Variants in HECW2 observed in about 807,000 individuals in gnomAD.
HECW2 encodes the protein HECT, C2 and WW domain containing E3 ubiquitin protein ligase 2.
HECW2 carries 61 observed loss-of-function variants against 175.2 expected under a neutral mutation model. The ratio of observed to expected loss-of-function variants is 0.35; its 90% CI spans 0.28 to 0.43. The LOEUF is 0.43. HECW2 is among the 20% of genes least tolerant of loss of function. HECW2 has a pLI of 1.00. For synonymous variants in HECW2, 671 were observed against 731.0 expected (o/e 0.92, Z 1.32); for missense variants, 1,524 against 2,000.5 (o/e 0.76, Z 4.54).
intron 1 of HECW2, among the ~76,000 whole-genome samples, chr2:196,436,167 G>A (rs1273882256): frequency 1.3e-5 from 2 of 152,156 alleles, no homozygotes; most frequent in Admixed American, 6.5e-5. Flanking sequence ...TTGGGAGGCC[G>A]ACGCAGGCGG....
chr2:196,531,982 A>G (rs1688853779), intron 1 of HECW2, among the ~76,000 whole-genome samples: 1 of 152,240 alleles, frequency 6.6e-6, no homozygotes, highest in Non-Finnish European at 1.5e-5. Flanking sequence ...AAGAGATCAC[A>G]TCACACTTGT....
intron 4 of HECW2, chr2:196,331,245 CAT>C (rs748678355): frequency 5.1e-6 from 5 of 984,988 alleles, no homozygotes; most frequent in Non-Finnish European, 6.0e-6. Flanking sequence ...TCTCAACAAA[CAT>C]GTGTGGTTTA....
chr2:196,258,530 T>C lies in HECW2; in HGVS notation c.3336-624A>G, dbSNP rs149512734. ...ACCTGTGCAAATGTATATATACATA[T>C]ACATATCAAACACAAGGTGAGTTAT... is the stretch of plus-strand genomic sequence containing the variant. On this transcript the variant is annotated intron_variant, in intron 17 of 28. Transcript: ENST00000644978. Among the ~76,000 whole-genome samples the C allele has an allele frequency of 9.1e-3, 1,386 of 152,350 alleles. 7 individuals are homozygous for C. Among genetic ancestry groups the C allele is most frequent in the Non-Finnish European group, 0.013 (907 of 68,030 alleles).
At chr2:196,570,540 C>T (rs1184012274) in intron 1 of HECW2, among the ~76,000 whole-genome samples, 7 of 151,878 alleles carry the variant, frequency 4.6e-5, no homozygotes, top group Non-Finnish European at 1.0e-4. Context: ...CATCACACCC[C>T]GGGGCCTGTC....
At chr2:196,478,297 G>A (rs928858991) in intron 1 of HECW2, among the ~76,000 whole-genome samples, 2 of 152,074 alleles carry the variant, frequency 1.3e-5, no homozygotes, top group Non-Finnish European at 2.9e-5. Context: ...GAAAGGAGAA[G>A]GAAAAACATC....
chr2:196,538,010 T>C (rs1031388244), intron 1 of HECW2, among the ~76,000 whole-genome samples: 22 of 152,168 alleles, frequency 1.4e-4, no homozygotes, highest in Non-Finnish European at 7.3e-5. Context: ...CTGAATTCTT[T>C]CTTGTGGGAG....
intron 1 of HECW2, among the ~76,000 whole-genome samples, chr2:196,438,695 C>T (rs1025601494): frequency 6.6e-6 from 1 of 152,230 alleles, no homozygotes; most frequent in African/African-American, 2.4e-5. Flanking sequence ...TTTCATTACA[C>T]TTTAGCACAA....
chr2:196,226,412 A>G (rs576625441), intron 22 of HECW2, among the ~76,000 whole-genome samples: 8 of 152,230 alleles, frequency 5.3e-5, no homozygotes, highest in African/African-American at 1.9e-4. Flanking sequence ...TTCTTTATAA[A>G]TTACCAGTCT....
chr2:196,211,828 A>C (rs1427300923), intron 28 of HECW2, among the ~76,000 whole-genome samples: 1 of 152,012 alleles, frequency 6.6e-6, no homozygotes, highest in Admixed American at 6.6e-5. Flanking sequence ...AGACCATGCC[A>C]GACTTCTTAG....
intron 1 of HECW2, among the ~76,000 whole-genome samples, chr2:196,522,865 G>A (rs1297780935): frequency 6.6e-6 from 1 of 152,176 alleles, no homozygotes; most frequent in Non-Finnish European, 1.5e-5. Context: ...AGTACATGCT[G>A]TTTTGGTTAC....
intron 1 of HECW2, among the ~76,000 whole-genome samples, chr2:196,523,326 G>C (rs1233095413): frequency 6.6e-6 from 1 of 151,380 alleles, no homozygotes; most frequent in East Asian, 1.9e-4. Context: ...CATTGATTTT[G>C]TATCCTGAGA....
intron 1 of HECW2, among the ~76,000 whole-genome samples, chr2:196,554,709 A>C (rs2125489826): frequency 6.6e-6 from 1 of 152,214 alleles, no homozygotes; most frequent in East Asian, 1.9e-4. Flanking sequence ...TTCCACTTTA[A>C]TTTCCACCAG....
intron 3 of HECW2, among the ~76,000 whole-genome samples, chr2:196,340,831 A>T (rs1692723750): frequency 6.6e-6 from 1 of 152,088 alleles, no homozygotes; most frequent in African/African-American, 2.4e-5. Flanking sequence ...GTCTTTAAAA[A>T]ATGCATCACT....
At chr2:196,278,397 C>T (rs1308230379) in intron 15 of HECW2, 131 bp downstream of exon 15, 2 of 948,164 alleles carry the variant, frequency 2.1e-6, no homozygotes, top group Non-Finnish European at 3.0e-6. Context: ...GAAAGCTTTT[C>T]AGCCTCTAAA....
chr2:196,589,052 T>C (rs1193466771), intron 1 of HECW2, among the ~76,000 whole-genome samples: 2 of 151,922 alleles, frequency 1.3e-5, no homozygotes, highest in African/African-American at 4.8e-5. Flanking sequence ...CACAAAAATT[T>C]GCTGATGGTA....
chr2:196,571,400 C>G (rs1690380167), intron 1 of HECW2, among the ~76,000 whole-genome samples: 5 of 152,128 alleles, frequency 3.3e-5, no homozygotes, highest in Admixed American at 3.3e-4. Flanking sequence ...ATTAAGTCTA[C>G]TGGCCTATTA....
intron 28 of HECW2, among the ~76,000 whole-genome samples, chr2:196,213,969 G>A (rs921789192): frequency 1.3e-5 from 2 of 152,236 alleles, no homozygotes; most frequent in South Asian, 2.1e-4. Context: ...TAGAAGCTAG[G>A]TCTTTTAACT....
intron 1 of HECW2, among the ~76,000 whole-genome samples, chr2:196,478,567 CA>C (rs1330808576): frequency 6.6e-6 from 1 of 152,002 alleles, no homozygotes; most frequent in Non-Finnish European, 1.5e-5. Context: ...TATCACTATT[CA>C]TTTTAACTTC....
intron 6 of HECW2, among the ~76,000 whole-genome samples, chr2:196,323,090 TA>T (rs752547782): frequency 1.3e-5 from 2 of 152,220 alleles, no homozygotes; most frequent in Non-Finnish European, 2.9e-5. Context: ...ACTTAGTGGT[TA>T]AAATAGGAAC....
Sources: allele counts gnomAD v4.1 joint callset (sites outside exome capture counted in the v4.1 genomes callset), GRCh38; gene constraint gnomAD v4.1.1; transcripts MANE v1.5; gene names NCBI Gene and HGNC (gene_info 2026-07-23, HGNC 2026-07-21).